Variants in PALLD observed in about 807,000 individuals in gnomAD.
PALLD encodes palladin.
Under a neutral mutation model 123.5 loss-of-function variants are expected in PALLD, and 61 were observed. The ratio of observed to expected loss-of-function variants is 0.49; its 90% CI spans 0.40 to 0.61. The LOEUF (loss-of-function observed/expected upper bound fraction) is 0.61. PALLD is among the 20% of genes least tolerant of loss of function. PALLD has a pLI of 0.00. For synonymous variants in PALLD, 465 were observed against 496.4 expected, an observed-to-expected ratio of 0.94 and a Z score of 0.84; for missense variants, 1,273 against 1,377.0, an observed-to-expected ratio of 0.92 and a Z score of 1.20.
At chr4:168,711,440 C>A in intron 9 of PALLD, 141 bp from the exon 10 acceptor site, 1 of 693,574 alleles carries the variant, frequency 1.4e-6, no homozygotes, top group South Asian at 1.7e-5. Context: ...AGTGCTTCTG[C>A]GTCAGATGAG....
chr4:168,890,077 C>T (rs542956369), intron 10 of PALLD, among the ~76,000 whole-genome samples: 22 of 152,272 alleles, frequency 1.4e-4, no homozygotes, highest in African/African-American at 4.8e-4. Context: ...TTTTTGTCCA[C>T]TGCCCTATGA....
intron 2 of PALLD, among the ~76,000 whole-genome samples, chr4:168,655,628 C>G (rs1158398778): frequency 2.6e-5 from 4 of 152,214 alleles, no homozygotes; most frequent in African/African-American, 7.2e-5. Flanking sequence ...CTTTTGAATT[C>G]TAAAGTTTTA....
chr4:168,863,276 C>T (rs1294501488), intron 10 of PALLD, among the ~76,000 whole-genome samples: 1 of 152,154 alleles, frequency 6.6e-6, no homozygotes, highest in Non-Finnish European at 1.5e-5. Flanking sequence ...CACTGCTGGG[C>T]CTCATGAGTT....
chr4:168,544,197 T>C (rs1362382324), intron 2 of PALLD, among the ~76,000 whole-genome samples: 2 of 152,254 alleles, frequency 1.3e-5, no homozygotes, highest in Non-Finnish European at 2.9e-5. Context: ...TATATACTGA[T>C]TATTAGATGA....
chr4:168,543,419 T>A (rs1765837381), intron 2 of PALLD, among the ~76,000 whole-genome samples: 1 of 151,920 alleles, frequency 6.6e-6, no homozygotes. Flanking sequence ...GATGTGGTAC[T>A]AAATGGGCAT....
chr4:168,884,320 A>G (rs969051840), intron 10 of PALLD, among the ~76,000 whole-genome samples: 1 of 152,236 alleles, frequency 6.6e-6, no homozygotes, highest in Non-Finnish European at 1.5e-5. Flanking sequence ...AATAAGTGTG[A>G]GAAAACTGTA....
Position 168,632,557 on chromosome 4 carries a change from A to G in PALLD, c.909-35633A>G, listed in dbSNP as rs183892505. Among the ~76,000 whole-genome samples, 92 of 152,276 alleles carry G rather than the reference A, an allele frequency of 6.0e-4. 1 individual carries two copies. The highest frequency in any genetic ancestry group is 1.1e-3 in the Non-Finnish European group (76 of 68,032). On this transcript the variant is annotated intron_variant, in intron 2 of 21. Transcript: ENST00000505667. ...GCAGTTCTTTGTCTAACCAAATCCAATGCTACTTTCCCGGTTCTCCTCTCC... is the reference window on the plus strand; with the variant it reads ...GCAGTTCTTTGTCTAACCAAATCCAGTGCTACTTTCCCGGTTCTCCTCTCC...
At chr4:168,760,887 C>T (rs1419134788) in intron 10 of PALLD, among the ~76,000 whole-genome samples, 1 of 151,978 alleles carries the variant, frequency 6.6e-6, no homozygotes, top group Non-Finnish European at 1.5e-5. Context: ...TTTTGTTATC[C>T]ATCGAGTTCT....
chr4:168,509,464 T>C (rs17054268), intron 1 of PALLD, among the ~76,000 whole-genome samples: 45,489 of 152,076 alleles, frequency 0.3, 6,889 homozygotes, highest in Non-Finnish European at 0.33. Flanking sequence ...CTGTTTCTCA[T>C]GAAGAAAATA....
chr4:168,860,635 C>T (rs943273428), intron 10 of PALLD, among the ~76,000 whole-genome samples: 6 of 152,260 alleles, frequency 3.9e-5, no homozygotes, highest in Middle Eastern at 3.4e-3. Context: ...CCAGCCTGGC[C>T]AACATGGTGA....
intron 2 of PALLD, among the ~76,000 whole-genome samples, chr4:168,615,006 C>T (rs995423745): frequency 6.6e-6 from 1 of 151,958 alleles, no homozygotes; most frequent in Admixed American, 6.5e-5. Flanking sequence ...GCCAATAAGC[C>T]CCAGTGCATG....
chr4:168,631,884 C>T, intron 2 of PALLD: 1 of 985,436 alleles, frequency 1.0e-6, no homozygotes, highest in Non-Finnish European at 1.2e-6. Context: ...GGGCAGACGG[C>T]GTTTTGCGCC....
At position 168,878,633 on chromosome 4, in the gene PALLD, C is replaced by A. The variant is rs997872113; in HGVS notation, c.1965-12289C>A. ...TTTTCCTCTGAATTAATATGAGATTCTCATCAGGAACTATTCAAAATCTAT... is the reference window on the plus strand; with the variant it reads ...TTTTCCTCTGAATTAATATGAGATTATCATCAGGAACTATTCAAAATCTAT... On this transcript the variant is annotated intron_variant, in intron 10 of 21. Coordinates refer to ENST00000505667, the MANE Select transcript of PALLD (RefSeq NM_001166108.2). Among the ~76,000 whole-genome samples, 8 of 149,932 alleles carry A rather than the reference C, an allele frequency of 5.3e-5. No individual in the cohort carries two copies. The East Asian group carries it at 1.4e-3, about 26-fold the overall frequency.
At chr4:168,636,627 C>T (rs1338169679) in intron 2 of PALLD, among the ~76,000 whole-genome samples, 1 of 152,216 alleles carries the variant, frequency 6.6e-6, no homozygotes, top group Admixed American at 6.5e-5. Context: ...CAGAAAATTA[C>T]AGGCCATTCC....
chr4:168,565,712 G>A (rs1015047202), intron 2 of PALLD, among the ~76,000 whole-genome samples: 1 of 152,050 alleles, frequency 6.6e-6, no homozygotes, highest in Non-Finnish European at 1.5e-5. Flanking sequence ...GGTATTACTA[G>A]TTTATTAGTG....
At chr4:168,559,920 AAGAGAG>A (rs373079281) in intron 2 of PALLD, among the ~76,000 whole-genome samples, 3 of 150,886 alleles carry the variant, frequency 2.0e-5, no homozygotes, top group South Asian at 2.1e-4. Context: ...AAAAAAGAGA[AAGAGAG>A]AGAGAGAGAG....
chr4:168,831,045 T>G (rs149332220), intron 10 of PALLD, among the ~76,000 whole-genome samples: 1 of 152,342 alleles, frequency 6.6e-6, no homozygotes, highest in East Asian at 1.9e-4. Context: ...AAAGATTTGG[T>G]CCCAGTGGCC....
chr4:168,789,129 G>A (rs953784125), intron 10 of PALLD, among the ~76,000 whole-genome samples: 12 of 152,124 alleles, frequency 7.9e-5, no homozygotes, highest in Admixed American at 2.0e-4. Flanking sequence ...ATACTCTTTC[G>A]TATCTTGATT....
chr4:168,765,751 C>A (rs1036069463), intron 10 of PALLD, among the ~76,000 whole-genome samples: 7 of 152,210 alleles, frequency 4.6e-5, no homozygotes, highest in Non-Finnish European at 1.0e-4. Context: ...GCCATACATT[C>A]TTTTAAGTGT....
Sources: allele counts gnomAD v4.1 joint callset (sites outside exome capture counted in the v4.1 genomes callset), GRCh38; gene constraint gnomAD v4.1.1; transcripts MANE v1.5; gene names NCBI Gene and HGNC (gene_info 2026-07-23, HGNC 2026-07-21).